The following NFAM1 variants were observed in gnomAD, a reference collection of about 807,000 sequenced individuals.
The protein encoded by NFAM1 is NFAT activating protein with ITAM motif 1.
Under a neutral mutation model 29.0 loss-of-function variants are expected in NFAM1, and 17 were observed. That is an observed-to-expected ratio of 0.59 (90% CI 0.40 to 0.88). The LOEUF (loss-of-function observed/expected upper bound fraction) is 0.88. NFAM1 is among the 40% of genes least tolerant of loss of function. The pLI, the probability that NFAM1 is intolerant of heterozygous loss-of-function variation, is 0.00. For missense variants in NFAM1, 324 were observed against 344.6 expected (o/e 0.94, Z 0.47); for synonymous variants, 175 against 147.2 (o/e 1.19, Z -1.36).
chr22:42,432,171 C>T (rs1020898200), intron 1 of NFAM1, 66 bp downstream of exon 1: 54 of 1,395,228 alleles, frequency 3.9e-5, no homozygotes, highest in African/African-American at 8.6e-5. Flanking sequence ...CTGCGCCGGG[C>T]GGGATGAAAG....
intron 1 of NFAM1, among the ~76,000 whole-genome samples, chr22:42,424,418 A>AG (rs1930555242): frequency 6.6e-6 from 1 of 151,258 alleles, no homozygotes; most frequent in South Asian, 2.1e-4. Flanking sequence ...CCGTCTCAAA[A>AG]AAGAAACAAA....
chr22:42,417,449 C>T (rs1930297511), intron 1 of NFAM1, among the ~76,000 whole-genome samples: 1 of 152,158 alleles, frequency 6.6e-6, no homozygotes, highest in South Asian at 2.1e-4. Flanking sequence ...TCCTGGGGCG[C>T]AGGGAGGAAA....
At chr22:42,422,232 A>C (rs967421846) in intron 1 of NFAM1, among the ~76,000 whole-genome samples, 3 of 152,182 alleles carry the variant, frequency 2.0e-5, no homozygotes, top group Non-Finnish European at 4.4e-5. Flanking sequence ...CCAAGTGCAG[A>C]ACGTCCAAGG....
At chr22:42,386,268 G>T (rs914760057) in intron 5 of NFAM1, among the ~76,000 whole-genome samples, 2 of 151,960 alleles carry the variant, frequency 1.3e-5, no homozygotes, top group Non-Finnish European at 2.9e-5. Flanking sequence ...CAGCTACTCG[G>T]GAGGCTGAGG....
rs1032756613 is a variant in NFAM1 at position 42,384,349 on chromosome 22, A to G, written c.*812T>C. On this transcript the variant is annotated 3_prime_UTR_variant, in exon 6 of 6. Transcript: ENST00000329021. ...AGAGTGCACGTACAGGGCCAGGCCA[A>G]TGGGAGTGGGAACCCTTGGGAGAGG... is the stretch of plus-strand genomic sequence containing the variant. 2.0e-5 allele frequency: 3 copies of G among 153,196 alleles called. No individual in the cohort carries two copies. Among genetic ancestry groups the G allele is most frequent in the African/African-American group, 7.2e-5 (3 of 41,428 alleles). 9.5% of individuals were successfully genotyped at this position (153,196 alleles called of 1,614,324 possible). A position where few individuals can be genotyped will look rare whatever the true frequency, so the allele number is the denominator to read the frequency against.
chr22:42,432,224 A>C lies in NFAM1; in HGVS notation c.121+13T>G, dbSNP rs1390821715. Reference sequence around the variant, plus strand: ...AGCGAGAGAGTAGAGAGAAGGAGGAAGACAGACACTACCTGCCAGTCGCAG... The same window carrying C: ...AGCGAGAGAGTAGAGAGAAGGAGGACGACAGACACTACCTGCCAGTCGCAG... On this transcript the variant is annotated intron_variant, in intron 1 of 5. Transcript: ENST00000329021. The C allele has an allele frequency of 6.4e-7, 1 of 1,566,972 alleles. No individual in the cohort carries two copies. The highest frequency in any genetic ancestry group is 8.7e-7 in the Non-Finnish European group (1 of 1,154,992).
At chr22:42,402,937 G>C (rs1056719808) in intron 3 of NFAM1, among the ~76,000 whole-genome samples, 1 of 144,234 alleles carries the variant, frequency 6.9e-6, no homozygotes, top group Non-Finnish European at 1.5e-5. Context: ...CCAGGTTTAA[G>C]CAATTCTCTG....
rs869262500 is a variant in NFAM1, at chr22:42,419,990, G to GTTT, written c.122-8257_122-8255dup. ...CTTTGAGTCTGTAATCCCACTCTTG[G>GTTT]TTTTTTTTTTTTTTTTTTTTTTTTT... On this transcript the variant is annotated intron_variant, in intron 1 of 5. Coordinates refer to ENST00000329021, the MANE Select transcript of NFAM1 (RefSeq NM_145912.8). This position sits in a 1 kb window ranked among gnomAD's most constrained non-coding sequence, Gnocchi z 4.5. 1.3e-4 allele frequency among the ~76,000 whole-genome samples: 4 copies of GTTT among 30,546 alleles called. No homozygotes were observed. The highest frequency in any genetic ancestry group is 5.4e-4 in the Admixed American group (1 of 1,856). 20.0% of individuals were successfully genotyped at this position (30,546 alleles called of 152,430 possible).
At chr22:42,421,595 G>A (rs1336251488) in intron 1 of NFAM1, among the ~76,000 whole-genome samples, 1 of 152,098 alleles carries the variant, frequency 6.6e-6, no homozygotes, top group Non-Finnish European at 1.5e-5. Context: ...CCAAGTCATG[G>A]GCCAGGGCTT....
Position 42,387,067 on chromosome 22 carries a change from G to A in NFAM1, c.675C>T (p.Arg225=). The A allele has an allele frequency of 6.3e-7, 1 of 1,581,276 alleles. No homozygotes were observed. Among genetic ancestry groups the A allele is most frequent in the Non-Finnish European group, 8.6e-7 (1 of 1,162,836 alleles). Residue 225 remains arginine (R), a synonymous_variant, in exon 5 of 6, where the codon CGC becomes CGT. Transcript: ENST00000329021. ...PSESVYTALQ[R]RETEVYACIE... ...TGCAGGCATAGACCTCGGTCTCGCG[G>A]CGCTGCAGAGCCTACAGGAAACGGG...
rs150299022 is a variant in NFAM1 at position 42,393,514 on chromosome 22, T to G, written c.663+4344A>C. ...ACCTCCGCCTCCCAGGTTCAAGCGA[T>G]TCTCCTGCCTCGGCCTCCTGAGTAT... On this transcript the variant is annotated intron_variant, in intron 4 of 5. Transcript: ENST00000329021. Among the ~76,000 whole-genome samples the G allele has an allele frequency of 1.6e-3, 239 of 151,970 alleles. 4 individuals are homozygous for G. In the East Asian group the frequency reaches 0.024, roughly 16 times the overall value.
At chr22:42,400,618 AAAAAC>A (rs1411931376) in intron 3 of NFAM1, among the ~76,000 whole-genome samples, 1 of 152,208 alleles carries the variant, frequency 6.6e-6, no homozygotes, top group African/African-American at 2.4e-5. Context: ...ACTCTATCTC[AAAAAC>A]AAAACAAAAC....
intron 2 of NFAM1, among the ~76,000 whole-genome samples, chr22:42,410,658 C>T (rs77281119): frequency 8.4e-6 from 1 of 119,052 alleles, no homozygotes; most frequent in Non-Finnish European, 1.9e-5. Flanking sequence ...GACTCTGTCT[C>T]AAAAAAAAAA....
chr22:42,423,008 G>A (rs1930497556), intron 1 of NFAM1, among the ~76,000 whole-genome samples: 1 of 151,958 alleles, frequency 6.6e-6, no homozygotes, highest in African/African-American at 2.4e-5. Context: ...AGCTACTTGG[G>A]AGGCTGAGGC....
chr22:42,422,707 T>C (rs761259274), intron 1 of NFAM1, among the ~76,000 whole-genome samples: 2 of 152,164 alleles, frequency 1.3e-5, no homozygotes, highest in African/African-American at 4.8e-5. Context: ...TCTCCTTTTA[T>C]AGCCACCCCT....
chr22:42,405,299 G>A (rs1285353545), intron 3 of NFAM1, among the ~76,000 whole-genome samples: 1 of 152,186 alleles, frequency 6.6e-6, no homozygotes, highest in Non-Finnish European at 1.5e-5. Flanking sequence ...TGTGTTTCGT[G>A]TACACAGAGG....
At chr22:42,397,593 G>A (rs867534857) in intron 4 of NFAM1, among the ~76,000 whole-genome samples, 1 of 152,196 alleles carries the variant, frequency 6.6e-6, no homozygotes, top group East Asian at 1.9e-4. Context: ...GTCCCAGAAT[G>A]AGGATCCATG....
At chr22:42,410,744 A>G (rs1345858480) in intron 2 of NFAM1, among the ~76,000 whole-genome samples, 1 of 152,012 alleles carries the variant, frequency 6.6e-6, no homozygotes, top group Non-Finnish European at 1.5e-5. Flanking sequence ...GTGCTCACAT[A>G]CACGAGGCCC....
chr22:42,397,845 C>G lies in NFAM1; in HGVS notation c.663+13G>C. ...TGAAAGAGGTGGAGGGAGCCGGGGG[C>G]CCCGGGACTCACTGTGTAGACAGAT... On this transcript the variant is annotated intron_variant, in intron 4 of 5. Coordinates refer to ENST00000329021, the MANE Select transcript of NFAM1 (RefSeq NM_145912.8). 1 of 1,557,526 alleles carries G rather than the reference C, an allele frequency of 6.4e-7. No homozygotes were observed.
Sources: gnomAD v4.1 joint callset for allele counts (sites outside exome capture counted in the v4.1 genomes callset) on GRCh38, gnomAD v4.1.1 for gene constraint, Gnocchi (gnomAD v3.1) non-coding constraint, MANE v1.5 for transcripts, NCBI Gene and HGNC (gene_info 2026-07-23, HGNC 2026-07-21) for gene names.